CSF1R: variants seen among roughly 807,000 people sequenced by gnomAD.
CSF1R encodes colony stimulating factor 1 receptor, also known as macrophage colony-stimulating factor 1 receptor.
CSF1R carries 40 observed loss-of-function variants against 110.0 expected under a neutral mutation model. The observed-to-expected ratio is 0.36, with a 90% confidence interval of 0.28 to 0.47. The LOEUF (loss-of-function observed/expected upper bound fraction) is 0.47, where lower values mean the gene tolerates loss of function less well. CSF1R is among the 20% of genes least tolerant of loss of function. The probability of loss-of-function intolerance (pLI) is 0.99; values close to 1 mark genes in which losing one functional copy is unlikely to be tolerated. For synonymous variants in CSF1R, 523 were observed against 503.4 expected (o/e 1.04, Z -0.52); for missense variants, 1,052 against 1,253.0 (o/e 0.84, Z 2.42).
chr5:150,072,587 T>G (rs1248256794), intron 6 of CSF1R, among the ~76,000 whole-genome samples: 3 of 152,202 alleles, frequency 2.0e-5, no homozygotes, highest in Non-Finnish European at 4.4e-5. Context: ...CACAAAGCTT[T>G]CTTATTTAGA....
chr5:150,108,424 G>A (rs1759616678), intron 1 of CSF1R, among the ~76,000 whole-genome samples: 1 of 152,156 alleles, frequency 6.6e-6, no homozygotes, highest in African/African-American at 2.4e-5. Context: ...GCAGATGTGG[G>A]AGAGGCAGTA....
chr5:150,084,561 T>C (rs1454498259), intron 1 of CSF1R, among the ~76,000 whole-genome samples: 2 of 151,600 alleles, frequency 1.3e-5, no homozygotes, highest in Non-Finnish European at 2.9e-5. Flanking sequence ...CAAGTGATTC[T>C]CCCACCTCAG....
At chr5:150,104,665 T>C (rs1427816257) in intron 1 of CSF1R, among the ~76,000 whole-genome samples, 2 of 152,204 alleles carry the variant, frequency 1.3e-5, no homozygotes, top group Non-Finnish European at 2.9e-5. Flanking sequence ...TCAGAGAAGT[T>C]AAGTCACTTT....
intron 1 of CSF1R, among the ~76,000 whole-genome samples, 164 bp from the exon 2 acceptor site, chr5:150,081,188 C>T (rs560326167): frequency 9.9e-5 from 15 of 152,236 alleles, no homozygotes; most frequent in Non-Finnish European, 1.9e-4. Flanking sequence ...GCTCCTAACC[C>T]TCAACCTGCT....
At chr5:150,076,999 C>A in intron 5 of CSF1R, 1 of 493,748 alleles carries the variant, frequency 2.0e-6, no homozygotes, top group Non-Finnish European at 3.7e-6. Context: ...CAGTAGGGAG[C>A]TACTGGACCC....
At chr5:150,090,328 A>G (rs1238690974), upstream of CSF1R, among the ~76,000 whole-genome samples, 2 of 152,226 alleles carry the variant, frequency 1.3e-5, no homozygotes, top group Non-Finnish European at 2.9e-5. Flanking sequence ...CTCTTGGTGC[A>G]TAGTTCTATG....
At chr5:150,092,262 C>G (rs1186221422) in intron 1 of CSF1R, among the ~76,000 whole-genome samples, 1 of 152,168 alleles carries the variant, frequency 6.6e-6, no homozygotes, top group African/African-American at 2.4e-5. Context: ...TGATTTAAAG[C>G]AAAAGTAGTA....
intron 2 of CSF1R, 130 bp from the exon 3 acceptor site, chr5:150,080,466 T>C: frequency 1.6e-6 from 2 of 1,257,218 alleles, no homozygotes; most frequent in East Asian, 5.0e-5. Flanking sequence ...CCAGGACAGT[T>C]CAGCGGATGC....
chr5:150,090,689 TACA>T (rs1251768516), upstream of CSF1R, among the ~76,000 whole-genome samples: 13 of 152,264 alleles, frequency 8.5e-5, no homozygotes, highest in Admixed American at 7.2e-4. Context: ...TAGTGTTGCC[TACA>T]ACAACAAAAA....
intron 12 of CSF1R, 60 bp downstream of exon 12, chr5:150,061,431 C>A: frequency 8.1e-7 from 1 of 1,235,002 alleles, no homozygotes; most frequent in Non-Finnish European, 1.1e-6. Flanking sequence ...ACACCAGGGC[C>A]AGCCCACCCC....
intron 13 of CSF1R, among the ~76,000 whole-genome samples, chr5:150,060,329 G>GAA (rs1176966626): frequency 6.6e-5 from 7 of 106,478 alleles, no homozygotes; most frequent in African/African-American, 2.1e-4. Context: ...TCCGTCTCAA[G>GAA]AAAAAAAAAA....
intron 6 of CSF1R, 70 bp from the exon 7 acceptor site, chr5:150,070,641 A>G: frequency 8.8e-7 from 1 of 1,133,990 alleles, no homozygotes; most frequent in Non-Finnish European, 1.2e-6. Flanking sequence ...TTGCAGTCAG[A>G]TAACAGCCTT....
chr5:150,085,277 G>GA (rs70973563), intron 1 of CSF1R, among the ~76,000 whole-genome samples: 2,557 of 92,406 alleles, frequency 0.028, 128 homozygotes, highest in Non-Finnish European at 0.037. Context: ...TCTGTCTCAG[G>GA]AAAAAAAAAA....
intron 1 of CSF1R, among the ~76,000 whole-genome samples, chr5:150,092,062 C>G (rs1162182503): frequency 6.6e-6 from 1 of 152,188 alleles, no homozygotes; most frequent in African/African-American, 2.4e-5. Flanking sequence ...CTGTCAAGGA[C>G]CAAATAGTAA....
chr5:150,100,727 G>A (rs1479782391), intron 1 of CSF1R, among the ~76,000 whole-genome samples: 1 of 151,950 alleles, frequency 6.6e-6, no homozygotes, highest in Admixed American at 6.6e-5. Context: ...CTACTCCCTG[G>A]CAGGCATACG....
rs2113824417 is a variant in CSF1R, at chr5:150,077,355, G to A, written c.810C>T (p.Phe270=). The change falls in exon 5 of 21, where the codon TTC becomes TTT. Residue 270 remains phenylalanine, a synonymous_variant. Transcript: ENST00000675795. ...VLTLNLDQVD[F]QHAGNYSCVA... is the part of the protein sequence containing the mutation. ...CGCAGGAGTAGTTGCCGGCATGTTG[G>A]AAATCTACTTGATCGAGGTTGAGGG... 1 of 1,614,196 alleles carries A rather than the reference G, an allele frequency of 6.2e-7. No homozygotes were observed. Among genetic ancestry groups the A allele is most frequent in the Non-Finnish European group, 8.5e-7 (1 of 1,180,026 alleles).
In CSF1R at chr5:150,073,304, T is replaced by C. The variant is rs767493560; in HGVS notation, c.1079A>G (p.Tyr360Cys). 8 of 1,613,122 alleles carry C rather than the reference T, an allele frequency of 5.0e-6. No homozygotes were observed. In the African/African-American group the frequency reaches 9.4e-5, roughly 19 times the overall value. ...KLANATTKDT[Y>C]RHTFTLSLPR... The stretch of plus-strand genomic sequence containing the variant: ...GACGGGAGCTGATAAGTGGTACCTG[T>C]ATGTGTCCTTGGTGGTAGCATTAGC... The change falls in exon 6 of 21, where the codon TAC becomes TGC. Residue 360 changes from tyrosine to cysteine, a missense_variant. Tyr to Cys is a radical substitution (Grantham distance 194). This residue lies in a region of CSF1R where 693 missense variants were observed against 735.4 expected (regional missense o/e 0.94). Coordinates refer to ENST00000675795, the MANE Select transcript of CSF1R (RefSeq NM_001288705.3).
intron 3 of CSF1R, 53 bp downstream of exon 3, chr5:150,079,999 G>C (rs1758453567): frequency 6.3e-7 from 1 of 1,578,442 alleles, no homozygotes; most frequent in South Asian, 1.2e-5. Context: ...GTGGCCGCCG[G>C]CTCTCTGTCC....
chr5:150,060,482 C>T (rs12516676), intron 13 of CSF1R, among the ~76,000 whole-genome samples: 8,607 of 152,084 alleles, frequency 0.057, 354 homozygotes, highest in Non-Finnish European at 0.086. Flanking sequence ...CAGCAAAGCC[C>T]GGGGCACCTT....
Sources: gnomAD v4.1 joint callset for allele counts (sites outside exome capture counted in the v4.1 genomes callset) on GRCh38, gnomAD v4.1.1 for gene constraint, gnomAD v4.1.1 regional missense constraint, MANE v1.5 for transcripts, NCBI Gene and HGNC (gene_info 2026-07-23, HGNC 2026-07-21) for gene names.